GPC6: variants seen among roughly 807,000 people sequenced by gnomAD.
The protein encoded by GPC6 is glypican 6, also known as glypican-6.
A neutral mutation model predicts 55.2 loss-of-function variants in GPC6; 14 were observed. That is an observed-to-expected ratio of 0.25 (90% CI 0.17 to 0.40). GPC6 has a LOEUF of 0.40. GPC6 is among the 10% of genes least tolerant of loss of function. The probability of loss-of-function intolerance (pLI) is 1.00; values close to 1 mark genes in which losing one functional copy is unlikely to be tolerated. For synonymous variants in GPC6, 278 were observed against 259.6 expected (o/e 1.07, Z -0.68); for missense variants, 641 against 708.5 (o/e 0.90, Z 1.08).
At chr13:93,697,891 T>G (rs1882516371) in intron 2 of GPC6, among the ~76,000 whole-genome samples, 1 of 152,172 alleles carries the variant, frequency 6.6e-6, no homozygotes, top group Non-Finnish European at 1.5e-5. Context: ...ATCTTTATAT[T>G]TATTTTATGA....
intron 2 of GPC6, among the ~76,000 whole-genome samples, chr13:93,664,842 G>C (rs1202948550): frequency 6.6e-6 from 1 of 152,112 alleles, no homozygotes; most frequent in African/African-American, 2.4e-5. Context: ...CAAGTATTCT[G>C]AATTAAAAAT....
At chr13:93,220,139 A>G in the GPC6 span, among the ~76,000 whole-genome samples, 1 of 152,224 alleles carries the variant, frequency 6.6e-6, no homozygotes, top group Non-Finnish European at 1.5e-5. Flanking sequence ...TAGATAATTA[A>G]CTCAGGGCCT....
At chr13:94,107,324 T>C (rs567200684) in intron 4 of GPC6, among the ~76,000 whole-genome samples, 5 of 152,268 alleles carry the variant, frequency 3.3e-5, no homozygotes, top group African/African-American at 1.2e-4. Context: ...GGAGTCTCTG[T>C]TTTTAAAGTT....
At chr13:93,954,762 G>C (rs1879422579) in intron 3 of GPC6, among the ~76,000 whole-genome samples, 1 of 152,066 alleles carries the variant, frequency 6.6e-6, no homozygotes, top group Non-Finnish European at 1.5e-5. Flanking sequence ...TCTGGTTTTT[G>C]TCCTGCAGTC....
chr13:94,345,802 C>T (rs1341709938), intron 6 of GPC6, among the ~76,000 whole-genome samples: 1 of 152,148 alleles, frequency 6.6e-6, no homozygotes, highest in Non-Finnish European at 1.5e-5. Flanking sequence ...ATTGCTACAA[C>T]AAAGTACCAC....
intron 6 of GPC6, among the ~76,000 whole-genome samples, chr13:94,353,508 G>A (rs183771938): frequency 4.9e-4 from 74 of 152,158 alleles, no homozygotes; most frequent in East Asian, 2.9e-3. Flanking sequence ...TTTGTTCAGC[G>A]TAAAGAGGCC....
chr13:93,245,667 AT>A (rs1462751823), intron 1 of GPC6, among the ~76,000 whole-genome samples: 2 of 151,928 alleles, frequency 1.3e-5, no homozygotes, highest in Non-Finnish European at 2.9e-5. Flanking sequence ...TTAAATATGG[AT>A]TTCTTTCAGA....
intron 1 of GPC6, among the ~76,000 whole-genome samples, chr13:93,363,599 G>A (rs1305376757): frequency 6.6e-6 from 1 of 151,870 alleles, no homozygotes; most frequent in African/African-American, 2.4e-5. Flanking sequence ...AAACATACGT[G>A]TGCATGTGTC....
intron 4 of GPC6, among the ~76,000 whole-genome samples, chr13:94,253,463 T>G (rs1891418087): frequency 6.6e-6 from 1 of 152,078 alleles, no homozygotes; most frequent in African/African-American, 2.4e-5. Context: ...AGGAGTTTCA[T>G]GAATAAAAAC....
chr13:94,095,232 CAT>C (rs1448534416), intron 4 of GPC6, among the ~76,000 whole-genome samples: 1 of 152,006 alleles, frequency 6.6e-6, no homozygotes, highest in African/African-American at 2.4e-5. Flanking sequence ...ATTTTGCTAA[CAT>C]ATGCTATATA....
intron 4 of GPC6, among the ~76,000 whole-genome samples, chr13:94,238,585 T>A (rs557093847): frequency 2.3e-4 from 35 of 152,240 alleles, no homozygotes; most frequent in Admixed American, 2.0e-3. Flanking sequence ...ACAGGATAAG[T>A]CCCTGAATTT....
At chr13:93,599,118 A>G (rs1877893179) in intron 2 of GPC6, among the ~76,000 whole-genome samples, 1 of 152,200 alleles carries the variant, frequency 6.6e-6, no homozygotes, top group South Asian at 2.1e-4. Context: ...GATTGTGTTT[A>G]CAATTATTGA....
chr13:94,358,114 AC>A (rs1878884818), intron 6 of GPC6, among the ~76,000 whole-genome samples: 1 of 151,966 alleles, frequency 6.6e-6, no homozygotes, highest in Non-Finnish European at 1.5e-5. Context: ...GTATGGTGAA[AC>A]CCCATCTCTA....
chr13:93,855,003 G>C (rs1888550236), intron 3 of GPC6, among the ~76,000 whole-genome samples: 1 of 151,544 alleles, frequency 6.6e-6, no homozygotes, highest in Admixed American at 6.6e-5. Context: ...TGGCACATGT[G>C]TTATGACTGA....
chr13:93,951,347 G>T (rs563158273), intron 3 of GPC6, among the ~76,000 whole-genome samples: 1 of 152,060 alleles, frequency 6.6e-6, no homozygotes, highest in Admixed American at 6.5e-5. Flanking sequence ...TCAGCTTTTG[G>T]AGCCCTCTAG....
chr13:93,886,096 G>A (rs550399523), intron 3 of GPC6, among the ~76,000 whole-genome samples: 1 of 152,178 alleles, frequency 6.6e-6, no homozygotes, highest in East Asian at 1.9e-4. Flanking sequence ...TTGAATTTAA[G>A]TATAAAAATT....
intron 3 of GPC6, among the ~76,000 whole-genome samples, chr13:94,002,354 C>A (rs1390679254): frequency 6.6e-6 from 1 of 152,080 alleles, no homozygotes; most frequent in African/African-American, 2.4e-5. Context: ...TGAAATAGAT[C>A]AAAACATATT....
chr13:93,840,262 T>C (rs1326933860), intron 3 of GPC6, among the ~76,000 whole-genome samples: 2 of 152,114 alleles, frequency 1.3e-5, no homozygotes, highest in East Asian at 3.9e-4. Context: ...AAACAGGAGA[T>C]GTTACAACTG....
chr13:93,655,135 C>T (rs1342436377), intron 2 of GPC6, among the ~76,000 whole-genome samples: 1 of 151,582 alleles, frequency 6.6e-6, no homozygotes, highest in African/African-American at 2.4e-5. Flanking sequence ...AAGCGTGAGC[C>T]ACCGCGCCCG....
Sources: allele counts gnomAD v4.1 joint callset (sites outside exome capture counted in the v4.1 genomes callset), GRCh38; gene constraint gnomAD v4.1.1; transcripts MANE v1.5; gene names NCBI Gene and HGNC (gene_info 2026-07-23, HGNC 2026-07-21).